The following SMIM35 variants were observed in gnomAD, a reference collection of about 807,000 sequenced individuals.
SMIM35 encodes the protein small integral membrane protein 35.
chr11:118,056,735 A>G (rs1028484361), intron 1 of SMIM35, among the ~76,000 whole-genome samples: 1 of 152,244 alleles, frequency 6.6e-6, no homozygotes, highest in Non-Finnish European at 1.5e-5. Context: ...GAGAAGATCC[A>G]GACAGGGAAG....
At chr11:118,031,258 G>A (rs948156139) in intron 1 of SMIM35, among the ~76,000 whole-genome samples, 1 of 152,186 alleles carries the variant, frequency 6.6e-6, no homozygotes, top group Non-Finnish European at 1.5e-5. Context: ...TTGTCCACTA[G>A]GAGGGCTTGA....
At chr11:118,053,330 AC>A (rs1944251620) in intron 1 of SMIM35, among the ~76,000 whole-genome samples, 1 of 151,070 alleles carries the variant, frequency 6.6e-6, no homozygotes, top group Admixed American at 6.7e-5. Flanking sequence ...ACACACACAC[AC>A]ACACACACAC....
At chr11:118,009,255 A>C (rs2058138734) in intron 4 of SMIM35, among the ~76,000 whole-genome samples, 1 of 152,190 alleles carries the variant, frequency 6.6e-6, no homozygotes, top group African/African-American at 2.4e-5. Flanking sequence ...AGGGAGGAGT[A>C]TGTTCTTGGG....
intron 1 of SMIM35, among the ~76,000 whole-genome samples, chr11:118,080,687 G>A (rs1945057108): frequency 6.6e-6 from 1 of 152,184 alleles, no homozygotes; most frequent in Admixed American, 6.5e-5. Flanking sequence ...CCAGCTCAAG[G>A]GGGTCATGGG....
At chr11:118,045,556 A>T (rs1331589510) in intron 1 of SMIM35, among the ~76,000 whole-genome samples, 1 of 152,238 alleles carries the variant, frequency 6.6e-6, no homozygotes, top group Non-Finnish European at 1.5e-5. Flanking sequence ...TTTAAAGGTC[A>T]AAAACAGGTA....
intron 1 of SMIM35, among the ~76,000 whole-genome samples, chr11:118,032,632 G>A (rs1283454035): frequency 6.6e-6 from 1 of 152,096 alleles, no homozygotes; most frequent in African/African-American, 2.4e-5. Flanking sequence ...AGGAGGCTGG[G>A]CATTGTGGCT....
intron 1 of SMIM35, among the ~76,000 whole-genome samples, chr11:118,026,578 G>A (rs1301147402): frequency 3.9e-5 from 6 of 152,038 alleles, no homozygotes; most frequent in Non-Finnish European, 5.9e-5. Flanking sequence ...TCTAATTACT[G>A]GCCAAAATAA....
chr11:118,012,640 T>G (rs1419407460), intron 4 of SMIM35, among the ~76,000 whole-genome samples: 1 of 152,104 alleles, frequency 6.6e-6, no homozygotes, highest in African/African-American at 2.4e-5. Flanking sequence ...TTGGCCATGT[T>G]TGGGAGGCAC....
intron 1 of SMIM35, among the ~76,000 whole-genome samples, chr11:118,019,701 A>G (rs1186330906): frequency 6.6e-6 from 1 of 151,740 alleles, no homozygotes; most frequent in Non-Finnish European, 1.5e-5. Flanking sequence ...TTTTTTTTCT[A>G]GAAGTTTTAA....
At chr11:118,059,860 C>T (rs1591304651) in intron 1 of SMIM35, among the ~76,000 whole-genome samples, 1 of 152,232 alleles carries the variant, frequency 6.6e-6, no homozygotes, top group African/African-American at 2.4e-5. Context: ...TCTAGAATTC[C>T]GGCTCCCACG....
At chr11:118,021,953 T>C (rs1474891224) in intron 1 of SMIM35, among the ~76,000 whole-genome samples, 3 of 151,804 alleles carry the variant, frequency 2.0e-5, no homozygotes, top group African/African-American at 7.3e-5. Context: ...ATCCAACATC[T>C]GGGGAATACA....
rs2058116528 is a variant in SMIM35 at position 118,005,470 on chromosome 11, G to C, written c.*940C>G. On this transcript the variant is annotated 3_prime_UTR_variant, in exon 5 of 5. Coordinates refer to ENST00000689828, the MANE Select transcript of SMIM35 (RefSeq NM_001394165.1). ...GGGTTTCTCTCCAGAACTCTATCCA[G>C]CTGCCTCATCAGCAGCTCCGTCCAG... 6.6e-6 allele frequency: 1 copy of C among 152,172 alleles called. No homozygotes were observed. The highest frequency in any genetic ancestry group is 2.1e-4 in the South Asian group (1 of 4,826). 9.4% of individuals were successfully genotyped at this position (152,172 alleles called of 1,614,324 possible).
chr11:118,055,567 G>A (rs115773699), intron 1 of SMIM35, among the ~76,000 whole-genome samples: 1 of 152,132 alleles, frequency 6.6e-6, no homozygotes, highest in Non-Finnish European at 1.5e-5. Flanking sequence ...CCCACTACTT[G>A]TTAAATATGT....
chr11:118,007,628 T>C (rs1328530546), intron 4 of SMIM35, among the ~76,000 whole-genome samples: 4 of 152,128 alleles, frequency 2.6e-5, no homozygotes, highest in Non-Finnish European at 5.9e-5. Flanking sequence ...ACTCTTGACC[T>C]TGTGATCCAC....
intron 1 of SMIM35, among the ~76,000 whole-genome samples, chr11:118,044,998 A>C (rs907577300): frequency 6.6e-6 from 1 of 152,144 alleles, no homozygotes; most frequent in Admixed American, 6.5e-5. Flanking sequence ...CAAAATCAGA[A>C]GGAAGTTCTA....
intron 1 of SMIM35, among the ~76,000 whole-genome samples, chr11:118,035,197 C>A (rs1238394431): frequency 3.3e-5 from 5 of 152,078 alleles, no homozygotes; most frequent in Non-Finnish European, 7.4e-5. Context: ...AGTGATCCAC[C>A]CGCCTCAGCC....
intron 1 of SMIM35, among the ~76,000 whole-genome samples, chr11:118,076,283 A>AAAATT (rs1944683968): frequency 1.3e-5 from 2 of 151,928 alleles, no homozygotes; most frequent in Non-Finnish European, 2.9e-5. Context: ...AAAATAAAAT[A>AAAATT]CAAAAACACA....
At chr11:118,018,759 A>T (rs2058203136) in intron 1 of SMIM35, among the ~76,000 whole-genome samples, 3 of 152,232 alleles carry the variant, frequency 2.0e-5, no homozygotes, top group Admixed American at 2.0e-4. Flanking sequence ...TCTTCTACAC[A>T]GTGCCTTCTG....
At chr11:118,019,799 T>G (rs2058210736) in intron 1 of SMIM35, among the ~76,000 whole-genome samples, 1 of 152,218 alleles carries the variant, frequency 6.6e-6, no homozygotes, top group African/African-American at 2.4e-5. Flanking sequence ...TGGAAATTAA[T>G]TTTCCATCCT....
Sources: gnomAD v4.1 joint callset for allele counts (sites outside exome capture counted in the v4.1 genomes callset) on GRCh38, gnomAD v4.1.1 for gene constraint, MANE v1.5 for transcripts, NCBI Gene and HGNC (gene_info 2026-07-23, HGNC 2026-07-21) for gene names.